The following ZNF813 variants were observed in gnomAD, a reference collection of about 807,000 sequenced individuals.
The protein encoded by ZNF813 is zinc finger protein 813.
A neutral mutation model predicts 7.2 loss-of-function variants in ZNF813; 3 were observed. The observed-to-expected ratio is 0.42, with a 90% CI of 0.19 to 1.08. ZNF813 has a LOEUF of 1.08. ZNF813 is among the 50% of genes least tolerant of loss of function. The pLI is 0.30. For synonymous variants in ZNF813, 227 were observed against 256.3 expected, an observed-to-expected ratio of 0.89 and a Z score of 1.09; for missense variants, 714 against 753.3, an observed-to-expected ratio of 0.95 and a Z score of 0.61.
intron 3 of ZNF813, 131 bp downstream of exon 3, chr19:53,486,889 A>G (rs777912736): frequency 3.3e-6 from 5 of 1,505,954 alleles, no homozygotes; most frequent in Admixed American, 2.2e-5. Flanking sequence ...GCTCACTGCG[A>G]TCTTGAATTC....
At chr19:53,487,277 CT>C (rs1278162881) in intron 3 of ZNF813, among the ~76,000 whole-genome samples, 2 of 152,122 alleles carry the variant, frequency 1.3e-5, no homozygotes, top group Non-Finnish European at 2.9e-5. Context: ...TGGAGAAGAC[CT>C]TACCATTGCA....
intron 1 of ZNF813, among the ~76,000 whole-genome samples, chr19:53,474,053 T>A (rs2086371469): frequency 6.6e-6 from 1 of 152,360 alleles, no homozygotes; most frequent in African/African-American, 2.4e-5. Flanking sequence ...AATCTTGCAC[T>A]ATTTCAGCTG....
At chr19:53,474,332 G>A (rs1434906907) in intron 1 of ZNF813, among the ~76,000 whole-genome samples, 1 of 152,200 alleles carries the variant, frequency 6.6e-6, no homozygotes, top group East Asian at 1.9e-4. Context: ...GTTATTCTGA[G>A]CACAGGTTAA....
Position 53,490,919 on chromosome 19 carries a change from C to G in ZNF813, c.687C>G (p.Leu229=). The G allele has an allele frequency of 3.7e-6, 6 of 1,614,124 alleles. No individual in the cohort carries two copies. The highest frequency in any genetic ancestry group is 5.1e-6 in the Non-Finnish European group (6 of 1,179,994). Residue 229 remains leucine (L), a synonymous_variant, in exon 4 of 4, where the codon CTC becomes CTG. Transcript: ENST00000396403. ...ESGKAFNYSS[L]LRKHQIIHLG... is the part of the protein sequence containing the mutation. Reference sequence around the variant, plus strand: ...GCAAAGCCTTTAATTATAGCTCACTCTTAAGGAAACATCAAATAATCCATT... The same window carrying G: ...GCAAAGCCTTTAATTATAGCTCACTGTTAAGGAAACATCAAATAATCCATT...
At chr19:53,482,717 T>TTTG (rs2086414746) in intron 1 of ZNF813, among the ~76,000 whole-genome samples, 1 of 127,840 alleles carries the variant, frequency 7.8e-6, no homozygotes, top group Non-Finnish European at 1.6e-5. Context: ...TTTTTGTTTT[T>TTTG]TTTTTTTTTT....
rs2086468132 is a variant in ZNF813, at chr19:53,492,328, A to T, written c.*242A>T. ...GCATGTGACAAAGTTTACAGTGGCA[A>T]ATCGAGCCTCAAAAGACAGGAGAAT... On this transcript the variant is annotated 3_prime_UTR_variant, in exon 4 of 4. Transcript: ENST00000396403. The T allele has an allele frequency of 3.0e-6, 2 of 658,870 alleles. No homozygotes were observed. The highest frequency in any genetic ancestry group is 3.6e-5 in the African/African-American group (2 of 55,148). 40.8% of individuals were successfully genotyped at this position (658,870 alleles called of 1,614,324 possible).
At position 53,490,934 on chromosome 19, in the gene ZNF813, A is replaced by G; in HGVS notation, c.702A>G (p.Gln234=). The part of the protein sequence containing the change: ...FNYSSLLRKH[Q]IIHLGEKQYK... ...ATAGCTCACTCTTAAGGAAACATCAAATAATCCATTTAGGAGAGAAACAAT... is the reference window on the plus strand; with the variant it reads ...ATAGCTCACTCTTAAGGAAACATCAGATAATCCATTTAGGAGAGAAACAAT... The change falls in exon 4 of 4, where the codon CAA becomes CAG. Residue 234 remains glutamine (Q), a synonymous_variant. Coordinates refer to ENST00000396403, the MANE Select transcript of ZNF813 (RefSeq NM_001004301.4). 1.9e-6 allele frequency: 3 copies of G among 1,614,176 alleles called. No individual in the cohort carries two copies. Among genetic ancestry groups the G allele is most frequent in the Non-Finnish European group, 1.7e-6 (2 of 1,179,996 alleles).
rs767351995 is a variant in ZNF813, at chr19:53,486,712, A to C, written c.96A>C (p.Leu32=). 3 of 1,614,100 alleles carry C rather than the reference A, an allele frequency of 1.9e-6. No individual in the cohort carries two copies. The highest frequency in any genetic ancestry group is 2.2e-5 in the South Asian group (2 of 91,074). The change falls in exon 3 of 4, where the codon CTA becomes CTC. Residue 32 remains leucine (L), a synonymous_variant. Transcript: ENST00000396403. ...GCCTGGACCCTGCTCAGAGGACTCT[A>C]TACAGGGACGTGATGCTGGAGAATT... ...WKCLDPAQRT[L]YRDVMLENYR... is the part of the protein sequence containing the mutation.
chr19:53,468,851 T>A (rs561074432), intron 1 of ZNF813, among the ~76,000 whole-genome samples: 1 of 151,616 alleles, frequency 6.6e-6, no homozygotes, highest in South Asian at 2.1e-4. Context: ...CTTCCTCTTA[T>A]CTCAACTGCA....
rs540401490 is a variant in ZNF813, at chr19:53,472,339, A to G, written c.-74+4550A>G. Among the ~76,000 whole-genome samples the G allele has an allele frequency of 1.1e-4, 17 of 152,250 alleles. No homozygotes were observed. The East Asian group carries it at 3.1e-3, about 28-fold the overall frequency. Reference sequence around the variant, plus strand: ...AGGGGACAAGGTGGCATGCATACATATTTGTAGTCATTTCTATAGTATCTT... The same window carrying G: ...AGGGGACAAGGTGGCATGCATACATGTTTGTAGTCATTTCTATAGTATCTT... On this transcript the variant is annotated intron_variant, in intron 1 of 3. Transcript: ENST00000396403.
intron 1 of ZNF813, among the ~76,000 whole-genome samples, chr19:53,474,002 G>A (rs953261714): frequency 5.5e-4 from 83 of 152,128 alleles, no homozygotes; most frequent in African/African-American, 1.9e-3. Context: ...CCGGCCAATA[G>A]GCTATGTGTA....
chr19:53,479,845 C>G lies in ZNF813; in HGVS notation c.-73-3905C>G, dbSNP rs1345357932. 1.8e-5 allele frequency: 19 copies of G among 1,073,858 alleles called. No individual in the cohort carries two copies. In the Admixed American group the frequency reaches 3.0e-4, roughly 17 times the overall value. The allele number at this position is 1,073,858 out of a possible 1,614,324, so 66.5% of individuals were successfully genotyped here. ...AGCAGATCAGACTGATGGACCAGAA[C>G]CTGAAGTGTCTGAGTGCAGCTGAAG... On this transcript the variant is annotated intron_variant, in intron 1 of 3. Transcript: ENST00000396403.
rs1467571772 is a variant in ZNF813 at position 53,492,381 on chromosome 19, TGAA to T, written c.*299_*301del. The T allele has an allele frequency of 3.8e-6, 2 of 519,710 alleles. No homozygotes were observed. The highest frequency in any genetic ancestry group is 7.0e-6 in the Non-Finnish European group (2 of 286,296). 32.2% of individuals were successfully genotyped at this position (519,710 alleles called of 1,614,324 possible). A position where few individuals can be genotyped will look rare whatever the true frequency, so the allele number is the denominator to read the frequency against. Reference sequence around the variant, plus strand: ...ATACTGGAGAGAAAGCTTACAAAGGTGAAGAATATCACAGAGTTTTCAGTCACA... The same window carrying T: ...ATACTGGAGAGAAAGCTTACAAAGGTGAATATCACAGAGTTTTCAGTCACA... On this transcript the variant is annotated 3_prime_UTR_variant, in exon 4 of 4. Transcript: ENST00000396403.
rs986995956 is a variant in ZNF813, at chr19:53,492,195, A to T, written c.*109A>T. ...CAGTCCTTGTAATTCATAAGAATTCATACTGGAGAGAAACAAGTGTAATGA... is the reference window on the plus strand; with the variant it reads ...CAGTCCTTGTAATTCATAAGAATTCTTACTGGAGAGAAACAAGTGTAATGA... On this transcript the variant is annotated 3_prime_UTR_variant, in exon 4 of 4. Transcript: ENST00000396403. 3.2e-5 allele frequency: 48 copies of T among 1,485,320 alleles called. No individual in the cohort carries two copies. The highest frequency in any genetic ancestry group is 4.3e-5 in the Non-Finnish European group (47 of 1,100,636). The allele number at this position is 1,485,320 out of a possible 1,614,324, so 92.0% of individuals were successfully genotyped here.
In ZNF813 at chr19:53,493,566, A is replaced by G. The variant is rs940242089; in HGVS notation, c.*1480A>G. ...TTACTTTAAGTTCTCTAGCAAATGG[A>G]AGTGTTTTTAAATTTTCTTTTAAAA... On this transcript the variant is annotated 3_prime_UTR_variant, in exon 4 of 4. Coordinates refer to ENST00000396403, the MANE Select transcript of ZNF813 (RefSeq NM_001004301.4). The G allele has an allele frequency of 2.6e-5, 4 of 151,560 alleles. No individual in the cohort carries two copies. The highest frequency in any genetic ancestry group is 9.7e-5 in the African/African-American group (4 of 41,050). 9.4% of individuals were successfully genotyped at this position (151,560 alleles called of 1,614,324 possible). A position where few individuals can be genotyped will look rare whatever the true frequency, so the allele number is the denominator to read the frequency against.
intron 1 of ZNF813, among the ~76,000 whole-genome samples, chr19:53,475,954 T>G (rs192527697): frequency 2.6e-5 from 4 of 152,320 alleles, no homozygotes; most frequent in Admixed American, 2.6e-4. Context: ...CTCCTCTTTT[T>G]GTGGCTTCCT....
chr19:53,467,761 C>G lies in ZNF813; in HGVS notation c.-102C>G, dbSNP rs562588967. ...GATTCGCGAAAACCCGGAAGCGGATCGCGTGGAGTGACGGTCCCACGGCAG... is the reference window on the plus strand; with the variant it reads ...GATTCGCGAAAACCCGGAAGCGGATGGCGTGGAGTGACGGTCCCACGGCAG... On this transcript the variant is annotated 5_prime_UTR_variant, in exon 1 of 4. The change creates a new upstream start codon in the 5' untranslated region. Coordinates refer to ENST00000396403, the MANE Select transcript of ZNF813 (RefSeq NM_001004301.4). 3.9e-5 allele frequency: 7 copies of G among 181,210 alleles called. No homozygotes were observed. Among genetic ancestry groups the G allele is most frequent in the African/African-American group, 1.2e-4 (5 of 42,166 alleles). The allele number at this position is 181,210 out of a possible 1,614,324, so 11.2% of individuals were successfully genotyped here. A position where few individuals can be genotyped will look rare whatever the true frequency, so the allele number is the denominator to read the frequency against.
At chr19:53,484,996 C>T (rs1315351442) in intron 2 of ZNF813, among the ~76,000 whole-genome samples, 9 of 152,236 alleles carry the variant, frequency 5.9e-5, no homozygotes, top group Admixed American at 2.6e-4. Flanking sequence ...TTCCCTGTCA[C>T]GTCCTCCACC....
At chr19:53,471,809 C>A (rs1336664588) in intron 1 of ZNF813, among the ~76,000 whole-genome samples, 143 of 121,074 alleles carry the variant, frequency 1.2e-3, no homozygotes, top group Middle Eastern at 8.4e-3. Context: ...GAGACTGTCT[C>A]AAAAAAAAAA....
Sources: gnomAD v4.1 joint callset for allele counts (sites outside exome capture counted in the v4.1 genomes callset) on GRCh38, gnomAD v4.1.1 for gene constraint, MANE v1.5 for transcripts, NCBI Gene and HGNC (gene_info 2026-07-23, HGNC 2026-07-21) for gene names.